MGAT4C: variants seen among roughly 807,000 people sequenced by gnomAD.
MGAT4C encodes the protein MGAT4 family member C.
Under a neutral mutation model 40.1 loss-of-function variants are expected in MGAT4C, and 19 were observed. The ratio of observed to expected loss-of-function variants is 0.47; its 90% CI spans 0.33 to 0.70. The LOEUF (loss-of-function observed/expected upper bound fraction) is 0.70. Among genes scored for constraint, MGAT4C ranks in the 30% least tolerant of loss-of-function variants. The pLI is 0.02. For synonymous variants in MGAT4C, 181 were observed against 187.1 expected (o/e 0.97, Z 0.27); for missense variants, 491 against 563.2 (o/e 0.87, Z 1.30).
rs957033571 is a variant in MGAT4C, at chr12:86,494,481, A to C, written c.-228-59216T>G. ...TTTATCAAACTAAACATATTATACAAACAATAAATCAAAATAATAAAATAG... is the reference window on the plus strand; with the variant it reads ...TTTATCAAACTAAACATATTATACACACAATAAATCAAAATAATAAAATAG... On this transcript the variant is annotated intron_variant, in intron 2 of 7. Coordinates refer to the MGAT4C transcript ENST00000548651. 2.0e-5 allele frequency among the ~76,000 whole-genome samples: 3 copies of C among 151,898 alleles called. No individual in the cohort carries two copies. The East Asian group carries it at 5.8e-4, about 29-fold the overall frequency.
At chr12:86,422,909 C>T (rs576892409) in intron 3 of MGAT4C, among the ~76,000 whole-genome samples, 1 of 152,132 alleles carries the variant, frequency 6.6e-6, no homozygotes, top group African/African-American at 2.4e-5. Flanking sequence ...AACATTCCTG[C>T]TAATCTTTCC....
intron 2 of MGAT4C, among the ~76,000 whole-genome samples, chr12:86,706,916 AG>A (rs1248052478): frequency 6.6e-6 from 1 of 152,194 alleles, no homozygotes. Flanking sequence ...TTCTCGTGAT[AG>A]TGAATAAGTC....
At chr12:86,419,446 T>C (rs1473482626) in intron 3 of MGAT4C, among the ~76,000 whole-genome samples, 5 of 151,374 alleles carry the variant, frequency 3.3e-5, no homozygotes, top group African/African-American at 1.2e-4. Flanking sequence ...ATATATCACA[T>C]AGATAATTTA....
intron 1 of MGAT4C, among the ~76,000 whole-genome samples, chr12:86,773,114 C>T (rs1024491469): frequency 3.3e-5 from 5 of 152,118 alleles, no homozygotes; most frequent in Non-Finnish European, 7.4e-5. Flanking sequence ...CCTAGTACCA[C>T]AGAATGTGAC....
chr12:86,682,799 C>A (rs1950005211), intron 2 of MGAT4C, among the ~76,000 whole-genome samples: 2 of 151,964 alleles, frequency 1.3e-5, no homozygotes, highest in Admixed American at 6.6e-5. Context: ...AACAAAGTAA[C>A]CTCCAGTTAA....
chr12:86,636,142 C>A (rs984736661), intron 2 of MGAT4C, among the ~76,000 whole-genome samples: 1 of 151,920 alleles, frequency 6.6e-6, no homozygotes, highest in Non-Finnish European at 1.5e-5. Context: ...ACTAGTAGAC[C>A]AGCTAGCTTT....
At chr12:86,212,765 G>A (rs1165955867) in intron 1 of MGAT4C, among the ~76,000 whole-genome samples, 9 of 119,002 alleles carry the variant, frequency 7.6e-5, no homozygotes, top group South Asian at 3.3e-4. Flanking sequence ...AGTGGCGGTC[G>A]CCTGTAGTCC....
At chr12:86,201,412 TA>T (rs1281593345) in intron 1 of MGAT4C, among the ~76,000 whole-genome samples, 7 of 149,644 alleles carry the variant, frequency 4.7e-5, no homozygotes, top group Admixed American at 4.0e-4. Flanking sequence ...AGCTATATTA[TA>T]AGCCTTATAA....
rs1951731860 is a variant in MGAT4C, at chr12:86,775,351, A to G, written c.-261-48110T>C. Among the ~76,000 whole-genome samples, 7 of 151,720 alleles carry G rather than the reference A, an allele frequency of 4.6e-5. No homozygotes were observed. In the South Asian group the frequency reaches 1.5e-3, roughly 31 times the overall value. ...ATTCATATATATATATTTAACATAG[A>G]TAACAATGCTATGTATTATACAAGC... On this transcript the variant is annotated intron_variant, in intron 1 of 7. Coordinates refer to the MGAT4C transcript ENST00000548651.
intron 2 of MGAT4C, among the ~76,000 whole-genome samples, chr12:86,726,133 T>C (rs1950817400): frequency 6.6e-6 from 1 of 152,160 alleles, no homozygotes; most frequent in Non-Finnish European, 1.5e-5. Context: ...TCATCTATCA[T>C]TTGACAAAAG....
At chr12:86,013,961 T>A (rs554292615) in intron 2 of MGAT4C, among the ~76,000 whole-genome samples, 84 of 152,314 alleles carry the variant, frequency 5.5e-4, no homozygotes, top group African/African-American at 2.0e-3. Context: ...AGTTTTTGAA[T>A]AATGACTATT....
At chr12:86,174,855 A>G (rs915383251) in intron 1 of MGAT4C, among the ~76,000 whole-genome samples, 1 of 152,168 alleles carries the variant, frequency 6.6e-6, no homozygotes, top group Non-Finnish European at 1.5e-5. Flanking sequence ...CTTAGAACTC[A>G]CATTAGTTCA....
At chr12:86,495,374 T>C (rs1236023715) in intron 2 of MGAT4C, 1 of 152,104 alleles carries the variant, frequency 6.6e-6, no homozygotes, top group African/African-American at 2.4e-5. Flanking sequence ...TATATAAATA[T>C]AGGAATTATA....
At chr12:86,630,248 G>C (rs1962984465) in intron 2 of MGAT4C, among the ~76,000 whole-genome samples, 1 of 152,146 alleles carries the variant, frequency 6.6e-6, no homozygotes, top group South Asian at 2.1e-4. Flanking sequence ...CTCTGAAATT[G>C]AGGCAATAAT....
intron 3 of MGAT4C, among the ~76,000 whole-genome samples, chr12:86,384,101 G>A (rs890349188): frequency 8.5e-5 from 13 of 152,144 alleles, no homozygotes; most frequent in Admixed American, 2.0e-4. Flanking sequence ...CATGTGAGAC[G>A]TGTCTTTTAC....
intron 3 of MGAT4C, among the ~76,000 whole-genome samples, chr12:86,408,475 C>CTA (rs1363556793): frequency 1.0e-3 from 107 of 104,284 alleles, no homozygotes; most frequent in East Asian, 1.3e-3. Flanking sequence ...CTCTCTCTCT[C>CTA]TCTCTATATA....
chr12:86,519,230 G>A (rs1304654045), intron 2 of MGAT4C, among the ~76,000 whole-genome samples: 1 of 152,108 alleles, frequency 6.6e-6, no homozygotes, highest in Non-Finnish European at 1.5e-5. Flanking sequence ...CAAATGACAG[G>A]ATTTCTTTCT....
chr12:86,196,460 T>C (rs2135919043), intron 1 of MGAT4C, among the ~76,000 whole-genome samples: 1 of 152,260 alleles, frequency 6.6e-6, no homozygotes, highest in South Asian at 2.1e-4. Context: ...ACCCAGGAGG[T>C]GGCCCTCTTC....
At chr12:86,196,238 C>T (rs1222336840) in intron 1 of MGAT4C, among the ~76,000 whole-genome samples, 1 of 152,150 alleles carries the variant, frequency 6.6e-6, no homozygotes, top group African/African-American at 2.4e-5. Context: ...GTCTCTTTAC[C>T]AACTAAAAAG....
Sources: gnomAD v4.1 joint callset for allele counts (sites outside exome capture counted in the v4.1 genomes callset) on GRCh38, gnomAD v4.1.1 for gene constraint, MANE v1.5 for transcripts, NCBI Gene and HGNC (gene_info 2026-07-23, HGNC 2026-07-21) for gene names.